NT5DC3: variants seen among roughly 807,000 people sequenced by gnomAD.
NT5DC3 encodes the protein 5'-nucleotidase domain-containing protein 3.
In NT5DC3, 42 loss-of-function variants were observed where a neutral mutation model predicts 67.8. The ratio of observed to expected loss-of-function variants is 0.62; its 90% confidence interval spans 0.48 to 0.80. The LOEUF is 0.80. NT5DC3 is among the 30% of genes least tolerant of loss of function. The pLI is 0.00. For missense variants in NT5DC3, 570 were observed against 696.4 expected, an observed-to-expected ratio of 0.82 and a Z score of 2.04; for synonymous variants, 237 against 255.6, an observed-to-expected ratio of 0.93 and a Z score of 0.69.
the NT5DC3 span, among the ~76,000 whole-genome samples, chr12:103,748,009 A>G: frequency 7.0e-6 from 1 of 143,118 alleles, no homozygotes; most frequent in East Asian, 2.0e-4. Context: ...AAAAAAAAAA[A>G]AAAAAGGGAA....
At chr12:103,798,702 A>G in intron 4 of NT5DC3, 25 bp from the exon 5 acceptor site, 1 of 1,514,356 alleles carries the variant, frequency 6.6e-7, no homozygotes, top group Non-Finnish European at 9.2e-7. Flanking sequence ...TGGTGCAGTT[A>G]AAGAGCTCAA....
At chr12:103,812,607 A>G (rs1170183991) in intron 2 of NT5DC3, among the ~76,000 whole-genome samples, 1 of 152,200 alleles carries the variant, frequency 6.6e-6, no homozygotes, top group Non-Finnish European at 1.5e-5. Context: ...AAAAAAAACC[A>G]TAGGATGGAA....
At position 103,789,663 on chromosome 12, in the gene NT5DC3, T is replaced by C. The variant is rs752256213; in HGVS notation, c.1020-744A>G. On this transcript the variant is annotated intron_variant, in intron 9 of 13. Transcript: ENST00000392876. Reference sequence around the variant, plus strand: ...TATTTTTCTGGCTTTGTACCTGAAATTAAGCCACTCCAGATAAAAAACAAA... The same window carrying C: ...TATTTTTCTGGCTTTGTACCTGAAACTAAGCCACTCCAGATAAAAAACAAA... 1.4e-4 allele frequency among the ~76,000 whole-genome samples: 22 copies of C among 152,056 alleles called. No homozygotes were observed. In the South Asian group the frequency reaches 2.7e-3, roughly 19 times the overall value.
the NT5DC3 span, among the ~76,000 whole-genome samples, chr12:103,763,134 C>T: frequency 7.2e-5 from 11 of 152,164 alleles, no homozygotes; most frequent in Non-Finnish European, 1.3e-4. Context: ...TGTATGACTG[C>T]ATTTATATTA....
At chr12:103,761,778 C>G in the NT5DC3 span, among the ~76,000 whole-genome samples, 1 of 152,182 alleles carries the variant, frequency 6.6e-6, no homozygotes, top group East Asian at 1.9e-4. Flanking sequence ...CATAATGCCT[C>G]CCTCCTGGGT....
At chr12:103,796,533 A>C (rs964742186) in intron 6 of NT5DC3, among the ~76,000 whole-genome samples, 3 of 151,820 alleles carry the variant, frequency 2.0e-5, no homozygotes, top group Non-Finnish European at 4.4e-5. Flanking sequence ...TCAAAAAAAA[A>C]AGAAGAGGCA....
At chr12:103,756,993 G>GA in the NT5DC3 span, among the ~76,000 whole-genome samples, 31 of 15,258 alleles carry the variant, frequency 2.0e-3, no homozygotes, top group African/African-American at 0.01. Context: ...CAGAAGGAGG[G>GA]AAAATATATA....
intron 6 of NT5DC3, 65 bp downstream of exon 6, chr12:103,796,829 T>A (rs1886337704): frequency 6.4e-7 from 1 of 1,573,624 alleles, no homozygotes; most frequent in African/African-American, 1.3e-5. Flanking sequence ...GGTTCAAGAC[T>A]CTGTGACTCC....
chr12:103,746,626 TCTG>T, the NT5DC3 span: 1 of 1,614,022 alleles, frequency 6.2e-7, no homozygotes, highest in Non-Finnish European at 8.5e-7. Flanking sequence ...GCCTCCTTGT[TCTG>T]CTCATGCCAC....
At chr12:103,751,452 G>A in the NT5DC3 span, among the ~76,000 whole-genome samples, 1 of 152,174 alleles carries the variant, frequency 6.6e-6, no homozygotes, top group Non-Finnish European at 1.5e-5. Context: ...ATGACATAAA[G>A]TTTCCATCCT....
chr12:103,763,475 C>T, the NT5DC3 span: 5 of 1,612,280 alleles, frequency 3.1e-6, no homozygotes, highest in South Asian at 5.5e-5. Context: ...GGCTTTCATG[C>T]TTGTCTTTCC....
chr12:103,822,738 C>A (rs1211540501), intron 1 of NT5DC3, among the ~76,000 whole-genome samples: 1 of 152,286 alleles, frequency 6.6e-6, no homozygotes, highest in South Asian at 2.1e-4. Flanking sequence ...TAAATCAGAA[C>A]AAGCTTTCTA....
At chr12:103,791,988 G>A (rs1044235310) in intron 9 of NT5DC3, among the ~76,000 whole-genome samples, 2 of 152,196 alleles carry the variant, frequency 1.3e-5, no homozygotes, top group African/African-American at 4.8e-5. Flanking sequence ...CTGTGCCATA[G>A]GATGCACAGC....
chr12:103,832,693 G>T (rs1038665911), intron 1 of NT5DC3, among the ~76,000 whole-genome samples: 1 of 152,064 alleles, frequency 6.6e-6, no homozygotes, highest in African/African-American at 2.4e-5. Flanking sequence ...CATTATTCCA[G>T]GCAGGCTTCT....
At chr12:103,827,794 A>T (rs1887756709) in intron 1 of NT5DC3, among the ~76,000 whole-genome samples, 1 of 152,218 alleles carries the variant, frequency 6.6e-6, no homozygotes, top group Admixed American at 6.5e-5. Flanking sequence ...GTAGTATTTG[A>T]CTTTTAAAAA....
Position 103,785,378 on chromosome 12 carries a change from A to G in NT5DC3, c.1286T>C (p.Met429Thr). The G allele has an allele frequency of 1.2e-6, 2 of 1,614,132 alleles. No homozygotes were observed. Among genetic ancestry groups the G allele is most frequent in the Non-Finnish European group, 8.5e-7 (1 of 1,179,960 alleles). ...IMNTEQYIQT[M>T]TWLQTLTGLL... ...GCCAGTCAAGGTCTGCAGCCAGGTC[A>G]TGGTTTGAATGTATTGCTCCGTGTT... is the stretch of plus-strand genomic sequence containing the variant. Residue 429 changes from methionine (M) to threonine (T), a missense_variant, in exon 12 of 14, where the codon ATG becomes ACG. This residue lies in a region of NT5DC3 where 466 missense variants were observed against 608.0 expected (regional missense o/e 0.77). Transcript: ENST00000392876.
chr12:103,813,614 G>A (rs1887125447), intron 2 of NT5DC3, among the ~76,000 whole-genome samples: 1 of 152,188 alleles, frequency 6.6e-6, no homozygotes, highest in East Asian at 1.9e-4. Context: ...ACGGCATCCA[G>A]AACCAGGGAG....
chr12:103,823,999 T>C (rs1054775680), intron 1 of NT5DC3, among the ~76,000 whole-genome samples: 5 of 152,222 alleles, frequency 3.3e-5, no homozygotes, highest in Admixed American at 3.3e-4. Flanking sequence ...AGTTCTGCTA[T>C]TAATGGTTGA....
chr12:103,785,244 A>G (rs1885713673), intron 12 of NT5DC3, 91 bp downstream of exon 12: 1 of 1,280,078 alleles, frequency 7.8e-7, no homozygotes, highest in African/African-American at 1.5e-5. Flanking sequence ...TAAGCCTCAT[A>G]TTTTATAACA....
Sources: gnomAD v4.1 joint callset for allele counts (sites outside exome capture counted in the v4.1 genomes callset) on GRCh38, gnomAD v4.1.1 for gene constraint, gnomAD v4.1.1 regional missense constraint, MANE v1.5 for transcripts, NCBI Gene and HGNC (gene_info 2026-07-23, HGNC 2026-07-21) for gene names.